The following BBS1 variants were observed in gnomAD, a reference collection of about 807,000 sequenced individuals.
BBS1 encodes the protein BBSome complex member BBS1.
In BBS1, 60 loss-of-function variants were observed where a neutral mutation model predicts 73.9. That is an observed-to-expected ratio of 0.81 (90% CI 0.66 to 1.01). The LOEUF is 1.01. Among genes scored for constraint, BBS1 ranks in the 50% least tolerant of loss-of-function variants. The pLI, the probability that BBS1 is intolerant of heterozygous loss-of-function variation, is 0.00. For synonymous variants in BBS1, 283 were observed against 317.4 expected, an observed-to-expected ratio of 0.89 and a Z score of 1.15; for missense variants, 718 against 770.3, an observed-to-expected ratio of 0.93 and a Z score of 0.80.
chr11:66,514,366 TC>T, intron 3 of BBS1, 39 bp from the exon 4 acceptor site: 1 of 1,612,768 alleles, frequency 6.2e-7, no homozygotes, highest in Non-Finnish European at 8.5e-7. Context: ...GGAGAGGTCT[TC>T]AGACCCTGAG....
chr11:66,523,746 A>G lies in BBS1; in HGVS notation c.974A>G (p.Gln325Arg), dbSNP rs199986163. The change falls in exon 11 of 17, where the codon CAG becomes CGG. Residue 325 changes from glutamine (Q) to arginine (R), a missense_variant. Transcript: ENST00000318312. ...THKGKKLWTV[Q>R]MPAAILTMNL... ...CAGGGGAAGAAGCTGTGGACAGTGCAGATGCCCGCAGCCATCCTGACCATG... is the reference window on the plus strand; with the variant it reads ...CAGGGGAAGAAGCTGTGGACAGTGCGGATGCCCGCAGCCATCCTGACCATG... 3 of 1,612,192 alleles carry G rather than the reference A, an allele frequency of 1.9e-6. No homozygotes were observed. The highest frequency in any genetic ancestry group is 1.6e-4 in the Middle Eastern group (1 of 6,062).
At chr11:66,520,894 C>T (rs145374911) in intron 8 of BBS1, 8 of 337,928 alleles carry the variant, frequency 2.4e-5, no homozygotes, top group African/African-American at 1.7e-4. Context: ...AAGTTTTGTA[C>T]TTTTGGTAGA....
At position 66,512,175 on chromosome 11, in the gene BBS1, A is replaced by G. The variant is rs1054021292; in HGVS notation, c.159+936A>G. ...GATAAAAGAAAGGAAGTTAGCATGG[A>G]TTCAGTATCCATTTCTGGACTAGAC... On this transcript the variant is annotated intron_variant, in intron 3 of 16. Transcript: ENST00000318312. Among the ~76,000 whole-genome samples, 5 of 151,870 alleles carry G rather than the reference A, an allele frequency of 3.3e-5. No individual in the cohort carries two copies. The South Asian group carries it at 6.2e-4, about 19-fold the overall frequency.
chr11:66,519,705 A>T lies in BBS1; in HGVS notation c.680A>T (p.Glu227Val). The change falls in exon 8 of 17, where the codon GAG becomes GTG. Residue 227 changes from glutamate to valine, a missense_variant. Physicochemically the swap from Glu to Val is moderately radical, Grantham distance 121. Transcript: ENST00000318312. ...CTGGTGCTGGGCACCGAGAACAAGG[A>T]GCTCCTGGTGCTTGACCCCGAGGCC... ...SCLVLGTENK[E>V]LLVLDPEAFT... The T allele has an allele frequency of 6.2e-7, 1 of 1,613,574 alleles. No homozygotes were observed. Among genetic ancestry groups the T allele is most frequent in the East Asian group, 2.2e-5 (1 of 44,852 alleles).
At chr11:66,523,005 CTG>C in intron 9 of BBS1, 3 of 384,458 alleles carry the variant, frequency 7.8e-6, no homozygotes, top group Non-Finnish European at 1.5e-5. Flanking sequence ...GAGGAACTAA[CTG>C]TACTTTCTGG....
intron 12 of BBS1, 28 bp from the exon 13 acceptor site, chr11:66,526,621 A>AC: frequency 6.2e-7 from 1 of 1,614,164 alleles, no homozygotes; most frequent in Non-Finnish European, 8.5e-7. Context: ...GGGGAGGACA[A>AC]ATCCATTTCC....
chr11:66,522,307 T>C (rs1475185734), intron 9 of BBS1, among the ~76,000 whole-genome samples: 1 of 151,836 alleles, frequency 6.6e-6, no homozygotes, highest in East Asian at 1.9e-4. Context: ...CACTTGTTTA[T>C]GCATTAGTTT....
Position 66,514,529 on chromosome 11 carries a change from G to A in BBS1, c.283G>A (p.Glu95Lys). Residue 95 changes from glutamate (E) to lysine (K), a missense_variant, in exon 4 of 17, where the codon GAG (glutamate) becomes AAG (lysine). By Grantham distance (56) the Glu-to-Lys change is moderately conservative. Transcript: ENST00000318312. ...AGCTGCTGCTGCCACCTTCCTCATG[G>A]AGCAACATGAGCCCCGGACCCCAGC... ...LPAAAATFLM[E>K]QHEPRTPALA... 1 of 1,614,154 alleles carries A rather than the reference G, an allele frequency of 6.2e-7. No individual in the cohort carries two copies. Among genetic ancestry groups the A allele is most frequent in the Non-Finnish European group, 8.5e-7 (1 of 1,180,034 alleles).
chr11:66,523,697 C>T lies in BBS1; in HGVS notation c.952-27C>T. 3 of 1,610,282 alleles carry T rather than the reference C, an allele frequency of 1.9e-6. 1 individual carries two copies. The highest frequency in any genetic ancestry group is 1.7e-6 in the Non-Finnish European group (2 of 1,179,968). On this transcript the variant is annotated intron_variant, in intron 10 of 16. Coordinates refer to ENST00000318312, the MANE Select transcript of BBS1 (RefSeq NM_024649.5). Reference sequence around the variant, plus strand: ...CTTTCCACTGTAAGCCCTGAGCCCTCCACAGACGCTGGCTGTTCCCTGCCA... The same window carrying T: ...CTTTCCACTGTAAGCCCTGAGCCCTTCACAGACGCTGGCTGTTCCCTGCCA...
At chr11:66,529,494 G>A (rs1444935574) in intron 13 of BBS1, 9 of 728,558 alleles carry the variant, frequency 1.2e-5, no homozygotes, top group Non-Finnish European at 2.0e-5. Flanking sequence ...ATTGTCTGGG[G>A]GAAGAAGATG....
At chr11:66,513,226 T>C (rs778643223) in intron 3 of BBS1, among the ~76,000 whole-genome samples, 1 of 150,228 alleles carries the variant, frequency 6.7e-6, no homozygotes, top group Non-Finnish European at 1.5e-5. Flanking sequence ...ATGAATGAAG[T>C]CTATCAAGAA....
rs1370539198 is a variant in BBS1 at position 66,530,913 on chromosome 11, C to A, written c.1493C>A (p.Thr498Asn). Reference sequence around the variant, plus strand: ...CCATAGGTTCAGGGCCTTGGCCCCACCTTTAAGCTCACACTTCACCTGCAG... The same window carrying A: ...CCATAGGTTCAGGGCCTTGGCCCCAACTTTAAGCTCACACTTCACCTGCAG... ...LHAVVQGLGP[T>N]FKLTLHLQNT... The change falls in exon 15 of 17, where the codon ACC becomes AAC. Residue 498 changes from threonine (T) to asparagine (N), a missense_variant. Physicochemically the swap from Thr to Asn is moderately conservative, Grantham distance 65. Coordinates refer to ENST00000318312, the MANE Select transcript of BBS1 (RefSeq NM_024649.5). 3 of 1,614,102 alleles carry A rather than the reference C, an allele frequency of 1.9e-6. No homozygotes were observed. Among genetic ancestry groups the A allele is most frequent in the Admixed American group, 3.3e-5 (2 of 60,012 alleles).
intron 13 of BBS1, among the ~76,000 whole-genome samples, chr11:66,527,219 A>AG (rs959970254): frequency 2.2e-4 from 33 of 151,828 alleles, no homozygotes; most frequent in Non-Finnish European, 4.3e-4. Context: ...AAAAAAAAAA[A>AG]AGAGAGAGAG....
At position 66,531,633 on chromosome 11, in the gene BBS1, T is replaced by C. The variant is rs371051256; in HGVS notation, c.1609-23T>C. 7 of 1,613,778 alleles carry C rather than the reference T, an allele frequency of 4.3e-6. No homozygotes were observed. In the African/African-American group the frequency reaches 9.3e-5, roughly 22 times the overall value. On this transcript the variant is annotated intron_variant, in intron 15 of 16. Coordinates refer to ENST00000318312, the MANE Select transcript of BBS1 (RefSeq NM_024649.5). ...ACACTGGCACGAGGGCTGGTTTCCT[T>C]ACTTCTTTGTCCCCAAACTTAGGTA...
At chr11:66,510,991 A>G (rs374563821) in intron 1 of BBS1, 22 bp from the exon 2 acceptor site, 18 of 1,613,722 alleles carry the variant, frequency 1.1e-5, no homozygotes, top group South Asian at 5.5e-5. Context: ...TCACTCCCCA[A>G]CTGTCTTTCC....
At position 66,529,955 on chromosome 11, in the gene BBS1, G is replaced by A. The variant is rs1856699789; in HGVS notation, c.1473+3G>A. On this transcript the variant is annotated splice_donor_region_variant and intron_variant, in intron 14 of 16. Transcript: ENST00000318312. ...AGCCACTCAAGCTGCACGCCGTGGT[G>A]AGCATCTGGGTGAGGGCAGAGTCAG... is the stretch of plus-strand genomic sequence containing the variant. 4 of 1,599,150 alleles carry A rather than the reference G, an allele frequency of 2.5e-6. No individual in the cohort carries two copies. In the Admixed American group the frequency reaches 5.1e-5, roughly 20 times the overall value.
Position 66,515,718 on chromosome 11 carries a change from A to G in BBS1, c.505A>G (p.Ile169Val). 1 of 1,614,048 alleles carries G rather than the reference A, an allele frequency of 6.2e-7. No homozygotes were observed. The highest frequency in any genetic ancestry group is 1.3e-5 in the African/African-American group (1 of 75,004). The change falls in exon 6 of 17, where the codon ATC becomes GTC. Residue 169 changes from isoleucine (I) to valine (V), a missense_variant. Coordinates refer to ENST00000318312, the MANE Select transcript of BBS1 (RefSeq NM_024649.5). ...IRETAEEPLS[I>V]QSLRFLQLEL... ...GGAGACGGCAGAGGAGCCTTTGTCCATCCAGTCACTCAGGTAAGGACCCTG... is the reference window on the plus strand; with the variant it reads ...GGAGACGGCAGAGGAGCCTTTGTCCGTCCAGTCACTCAGGTAAGGACCCTG...
intron 9 of BBS1, chr11:66,523,224 T>C (rs1186797937): frequency 7.7e-6 from 5 of 652,440 alleles, no homozygotes; most frequent in African/African-American, 1.8e-5. Context: ...GACACCATAG[T>C]GAAGGTGGGA....
In BBS1 at chr11:66,523,867, T is replaced by G; in HGVS notation, c.1095T>G (p.Asn365Lys). Residue 365 changes from asparagine to lysine, a missense_variant, in exon 11 of 17, where the codon AAT becomes AAG. By Grantham distance (94) the Asn-to-Lys change is moderately conservative. Coordinates refer to ENST00000318312, the MANE Select transcript of BBS1 (RefSeq NM_024649.5). ...VRIYRDKALL[N>K]VIHTPDAVTS... ...TTTATCGTGACAAGGCCCTGCTCAA[T>G]GTCATCCACACCCCGGTGAGCCCCA... is the stretch of plus-strand genomic sequence containing the variant. The G allele has an allele frequency of 6.2e-7, 1 of 1,613,378 alleles. No individual in the cohort carries two copies. Among genetic ancestry groups the G allele is most frequent in the Non-Finnish European group, 8.5e-7 (1 of 1,180,030 alleles).
Sources: gnomAD v4.1 joint callset for allele counts (sites outside exome capture counted in the v4.1 genomes callset) on GRCh38, gnomAD v4.1.1 for gene constraint, MANE v1.5 for transcripts, NCBI Gene and HGNC (gene_info 2026-07-23, HGNC 2026-07-21) for gene names.